The following PTPRD variants were observed in gnomAD, a reference collection of about 807,000 sequenced individuals.
PTPRD encodes protein tyrosine phosphatase receptor type D, also known as receptor-type tyrosine-protein phosphatase delta.
Under a neutral mutation model 214.5 loss-of-function variants are expected in PTPRD, and 34 were observed. The ratio of observed to expected loss-of-function variants is 0.16; its 90% CI spans 0.12 to 0.21. The LOEUF is 0.21. Among genes scored for constraint, PTPRD ranks in the 10% least tolerant of loss-of-function variants. PTPRD has a pLI of 1.00. For missense variants in PTPRD, 2,545 were observed against 2,398.7 expected, an observed-to-expected ratio of 1.06 and a Z score of -1.27; for synonymous variants, 1,128 against 845.7, an observed-to-expected ratio of 1.33 and a Z score of -5.79.
At chr9:10,105,629 C>A (rs965914415) in intron 3 of PTPRD, among the ~76,000 whole-genome samples, 3 of 151,862 alleles carry the variant, frequency 2.0e-5, no homozygotes, top group Non-Finnish European at 4.4e-5. Flanking sequence ...CCTCTGCCAA[C>A]CTGAATTGGA....
Position 8,733,943 on chromosome 9 carries a change from GA to G in PTPRD, c.-101del. 4.2e-6 allele frequency: 5 copies of G among 1,199,664 alleles called. No individual in the cohort carries two copies. Among genetic ancestry groups the G allele is most frequent in the Non-Finnish European group, 5.9e-6 (5 of 840,542 alleles). The allele number at this position is 1,199,664 out of a possible 1,614,324, so 74.3% of individuals were successfully genotyped here. On this transcript the variant is annotated splice_region_variant and 5_prime_UTR_variant, in exon 12 of 46. Transcript: ENST00000381196. ...TGAAATTTCAGCTGGAACACTTTCA[GA>G]GCCTGAAAGCGGGGAGGAAGAGAAA...
intron 2 of PTPRD, among the ~76,000 whole-genome samples, chr9:10,543,533 C>T (rs2059596481): frequency 6.6e-6 from 1 of 151,586 alleles, no homozygotes. Context: ...CACACACACA[C>T]ATATACATAT....
At chr9:8,524,717 T>G in intron 18 of PTPRD, 1 of 699,894 alleles carries the variant, frequency 1.4e-6, no homozygotes, top group Non-Finnish European at 2.6e-6. Context: ...ACTCCAAGCC[T>G]CAGGACAGAT....
intron 14 of PTPRD, among the ~76,000 whole-genome samples, chr9:8,623,938 T>A (rs2154304109): frequency 6.6e-6 from 1 of 152,088 alleles, no homozygotes; most frequent in South Asian, 2.1e-4. Context: ...TGTTTCCTAT[T>A]ATCTCTTTCA....
At chr9:8,409,215 A>T (rs1004308267) in intron 35 of PTPRD, among the ~76,000 whole-genome samples, 1 of 152,180 alleles carries the variant, frequency 6.6e-6, no homozygotes, top group Non-Finnish European at 1.5e-5. Context: ...TGCCATTATG[A>T]TTACAGTTAT....
chr9:9,204,823 C>G (rs1390867110), intron 9 of PTPRD, among the ~76,000 whole-genome samples: 4 of 152,088 alleles, frequency 2.6e-5, no homozygotes, highest in African/African-American at 4.8e-5. Context: ...AGAAACCTAT[C>G]AGAACCATTT....
At chr9:9,936,419 T>A (rs2089433434) in intron 5 of PTPRD, among the ~76,000 whole-genome samples, 1 of 151,774 alleles carries the variant, frequency 6.6e-6, no homozygotes, top group African/African-American at 2.4e-5. Flanking sequence ...GCGAAGGACA[T>A]GAACAGACAC....
intron 2 of PTPRD, among the ~76,000 whole-genome samples, chr9:10,436,354 TG>T (rs1282275607): frequency 6.6e-6 from 1 of 151,760 alleles, no homozygotes; most frequent in African/African-American, 2.4e-5. Context: ...ATGCTCTATT[TG>T]CTTCTCCCAA....
chr9:9,894,943 G>C (rs913278396), intron 5 of PTPRD, among the ~76,000 whole-genome samples: 1 of 152,108 alleles, frequency 6.6e-6, no homozygotes, highest in East Asian at 1.9e-4. Flanking sequence ...GAACAAAAGA[G>C]CCAAAAATTC....
intron 8 of PTPRD, among the ~76,000 whole-genome samples, chr9:9,565,326 C>G (rs1315090376): frequency 6.6e-6 from 1 of 151,606 alleles, no homozygotes; most frequent in Non-Finnish European, 1.5e-5. Flanking sequence ...CATTTATAGA[C>G]TATGTAGAAA....
chr9:8,639,366 A>G (rs72698266), intron 12 of PTPRD, among the ~76,000 whole-genome samples: 10,532 of 152,222 alleles, frequency 0.069, 1,110 homozygotes, highest in African/African-American at 0.23. Flanking sequence ...AACACAAAAT[A>G]GATTGCTGTA....
intron 14 of PTPRD, among the ~76,000 whole-genome samples, chr9:8,592,151 C>G (rs1366626713): frequency 2.6e-5 from 4 of 152,146 alleles, no homozygotes; most frequent in African/African-American, 9.7e-5. Context: ...TGACAATACA[C>G]TTAATCAGAC....
chr9:8,771,003 C>A (rs950860886), intron 11 of PTPRD, among the ~76,000 whole-genome samples: 1 of 151,830 alleles, frequency 6.6e-6, no homozygotes, highest in Admixed American at 6.6e-5. Context: ...TACGGTGAAA[C>A]CCCGTCTCTA....
intron 3 of PTPRD, among the ~76,000 whole-genome samples, chr9:10,168,102 G>A (rs904150535): frequency 6.6e-6 from 1 of 152,008 alleles, no homozygotes; most frequent in East Asian, 1.9e-4. Context: ...CTTGAAGTTT[G>A]GAAACATATT....
chr9:9,097,623 G>A (rs936790237), intron 10 of PTPRD, among the ~76,000 whole-genome samples: 2 of 151,902 alleles, frequency 1.3e-5, no homozygotes, highest in Non-Finnish European at 2.9e-5. Context: ...TGTCAGCCAG[G>A]ATGGTCTCAA....
chr9:9,233,636 T>C (rs1029807641), intron 9 of PTPRD, among the ~76,000 whole-genome samples: 2 of 152,208 alleles, frequency 1.3e-5, no homozygotes, highest in Non-Finnish European at 2.9e-5. Context: ...TTACTTCCTA[T>C]ATACAATTAG....
chr9:10,175,625 G>C (rs567529809), intron 3 of PTPRD, among the ~76,000 whole-genome samples: 2 of 151,948 alleles, frequency 1.3e-5, no homozygotes, highest in African/African-American at 4.8e-5. Flanking sequence ...GCAAACTAAT[G>C]TTACCCTGTG....
At chr9:9,502,014 T>C (rs2096432768) in intron 8 of PTPRD, among the ~76,000 whole-genome samples, 1 of 151,828 alleles carries the variant, frequency 6.6e-6, no homozygotes, top group Non-Finnish European at 1.5e-5. Context: ...TACAACTTGA[T>C]GAGTTGGAGA....
At chr9:8,448,215 C>G (rs1011470841) in intron 34 of PTPRD, among the ~76,000 whole-genome samples, 1 of 151,998 alleles carries the variant, frequency 6.6e-6, no homozygotes. Flanking sequence ...GTAGTCCCAG[C>G]TACTTGGGAA....
Sources: gnomAD v4.1 joint callset for allele counts (sites outside exome capture counted in the v4.1 genomes callset) on GRCh38, gnomAD v4.1.1 for gene constraint, MANE v1.5 for transcripts, NCBI Gene and HGNC (gene_info 2026-07-23, HGNC 2026-07-21) for gene names.